The following ATP6V0A4 variants were observed in gnomAD, a reference collection of about 807,000 sequenced individuals.
The protein encoded by ATP6V0A4 is ATPase H+ transporting V0 subunit a4.
In ATP6V0A4, 86 loss-of-function variants were observed where a neutral mutation model predicts 107.3. That is an observed-to-expected ratio of 0.80 (90% CI 0.67 to 0.96). The LOEUF (loss-of-function observed/expected upper bound fraction) is 0.96, where lower values mean the gene tolerates loss of function less well. Ranked by LOEUF, ATP6V0A4 falls within the 40% of genes least tolerant of loss-of-function variation. The probability of loss-of-function intolerance (pLI) is 0.00; values close to 1 mark genes in which losing one functional copy is unlikely to be tolerated. For synonymous variants in ATP6V0A4, 353 were observed against 381.4 expected (o/e 0.93, Z 0.87); for missense variants, 908 against 1,045.6 (o/e 0.87, Z 1.81).
chr7:138,717,198 G>C (rs1011694315), intron 19 of ATP6V0A4, among the ~76,000 whole-genome samples: 1 of 152,180 alleles, frequency 6.6e-6, no homozygotes, highest in African/African-American at 2.4e-5. Flanking sequence ...CCGAAGAAAA[G>C]TCCCGGCTGG....
chr7:138,768,993 G>A, intron 4 of ATP6V0A4, 119 bp from the exon 5 acceptor site: 2 of 1,572,110 alleles, frequency 1.3e-6, no homozygotes, highest in East Asian at 2.3e-5. Context: ...TGTCCTAGGA[G>A]CTGCCACAGC....
At chr7:138,796,301 G>GA (rs1432336296) in intron 1 of ATP6V0A4, among the ~76,000 whole-genome samples, 6 of 151,932 alleles carry the variant, frequency 3.9e-5, no homozygotes, top group African/African-American at 1.5e-4. Context: ...TGCACTGACT[G>GA]AAAATCACCC....
chr7:138,709,888 A>T (rs990985898), intron 20 of ATP6V0A4, 93 bp from the exon 21 acceptor site: 36 of 1,341,744 alleles, frequency 2.7e-5, no homozygotes, highest in African/African-American at 1.1e-4. Context: ...ATATATATAT[A>T]TTTTAAATAG....
chr7:138,768,843 A>G lies in ATP6V0A4; in HGVS notation c.228T>C (p.Ile76=). The G allele has an allele frequency of 5.6e-6, 9 of 1,614,172 alleles. No individual in the cohort carries two copies. Among genetic ancestry groups the G allele is most frequent in the Non-Finnish European group, 7.6e-6 (9 of 1,180,026 alleles). ...RFLEDEMQNE[I]VVQLLEKSPL... ...GGCTTTTCTCGAGCAACTGAACTACAATCTCATTTTGCATCTCGTCTTCCA... is the reference window on the plus strand; with the variant it reads ...GGCTTTTCTCGAGCAACTGAACTACGATCTCATTTTGCATCTCGTCTTCCA... Residue 76 remains isoleucine, a synonymous_variant, in exon 5 of 22, where the codon ATT becomes ATC. Coordinates refer to ENST00000310018, the MANE Select transcript of ATP6V0A4 (RefSeq NM_020632.3).
At chr7:138,769,899 G>A (rs987532949) in intron 3 of ATP6V0A4, among the ~76,000 whole-genome samples, 1 of 152,056 alleles carries the variant, frequency 6.6e-6, no homozygotes, top group Admixed American at 6.6e-5. Flanking sequence ...GCAACATAAT[G>A]AGACCTCATC....
At chr7:138,797,738 C>A (rs112466275) in intron 1 of ATP6V0A4, among the ~76,000 whole-genome samples, 8,613 of 152,106 alleles carry the variant, frequency 0.057, 260 homozygotes, top group Non-Finnish European at 0.07. Context: ...CCATGCTACA[C>A]CTGCAGATGG....
intron 5 of ATP6V0A4, among the ~76,000 whole-genome samples, chr7:138,766,613 A>G (rs929725237): frequency 6.6e-6 from 1 of 152,190 alleles, no homozygotes; most frequent in Non-Finnish European, 1.5e-5. Context: ...AAAAATAAAA[A>G]GGGCTATCCA....
At chr7:138,790,502 C>T (rs1037378916) in intron 1 of ATP6V0A4, among the ~76,000 whole-genome samples, 1 of 152,232 alleles carries the variant, frequency 6.6e-6, no homozygotes, top group East Asian at 1.9e-4. Context: ...GCCATGTTGG[C>T]CAGGCTGGTC....
intron 1 of ATP6V0A4, among the ~76,000 whole-genome samples, chr7:138,795,807 AT>A (rs1399499609): frequency 7.7e-6 from 1 of 129,920 alleles, no homozygotes; most frequent in Admixed American, 8.5e-5. Flanking sequence ...TACCCAAGTA[AT>A]TTTTTTGTGT....
rs961324191 is a variant in ATP6V0A4, at chr7:138,766,551, T to A, written c.291+2229A>T. On this transcript the variant is annotated intron_variant, in intron 5 of 21. Transcript: ENST00000310018. Reference sequence around the variant, plus strand: ...TTTTAATCCATCTAAGAGACACCCTTACCAAAGAGATAAAAGATAAACGAT... The same window carrying A: ...TTTTAATCCATCTAAGAGACACCCTAACCAAAGAGATAAAAGATAAACGAT... Among the ~76,000 whole-genome samples the A allele has an allele frequency of 2.0e-5, 3 of 151,922 alleles. No homozygotes were observed. The East Asian group carries it at 5.8e-4, about 29-fold the overall frequency.
At chr7:138,714,661 A>G (rs1803942964) in intron 20 of ATP6V0A4, among the ~76,000 whole-genome samples, 1 of 152,190 alleles carries the variant, frequency 6.6e-6, no homozygotes, top group African/African-American at 2.4e-5. Context: ...TGAATTCACA[A>G]AGGTGGTGAG....
Position 138,727,712 on chromosome 7 carries a change from A to C in ATP6V0A4, c.2010+1049T>G, listed in dbSNP as rs1411456511. Among the ~76,000 whole-genome samples the C allele has an allele frequency of 3.3e-5, 5 of 152,354 alleles. No homozygotes were observed. The East Asian group carries it at 9.6e-4, about 29-fold the overall frequency. On this transcript the variant is annotated intron_variant, in intron 18 of 21. Coordinates refer to ENST00000310018, the MANE Select transcript of ATP6V0A4 (RefSeq NM_020632.3). ...GAACATATCTACAACCATTTAAAAC[A>C]TACACGGTCTCAGCACATTCCGCTT...
chr7:138,788,042 T>C (rs955949366), intron 1 of ATP6V0A4, among the ~76,000 whole-genome samples: 1 of 151,714 alleles, frequency 6.6e-6, no homozygotes, highest in African/African-American at 2.4e-5. Context: ...TGAAGGGAAG[T>C]TATAGAAAAG....
At chr7:138,763,192 C>CAG in intron 5 of ATP6V0A4, 167 bp from the exon 6 acceptor site, 1 of 326,826 alleles carries the variant, frequency 3.1e-6, no homozygotes, top group Non-Finnish European at 4.4e-6. Context: ...CACAGACACA[C>CAG]ACACACACAC....
chr7:138,770,570 G>A (rs1807331865), intron 3 of ATP6V0A4, among the ~76,000 whole-genome samples: 1 of 152,186 alleles, frequency 6.6e-6, no homozygotes, highest in Admixed American at 6.5e-5. Context: ...TGACCTTAGT[G>A]AAGAAGTAAA....
At position 138,752,820 on chromosome 7, in the gene ATP6V0A4, C is replaced by G. The variant is rs767146505; in HGVS notation, c.834G>C (p.Glu278Asp). The change falls in exon 11 of 22, where the codon GAG (glutamate) becomes GAC (aspartate). Residue 278 changes from glutamate to aspartate, a missense_variant. Transcript: ENST00000310018. ...CCTGCAGCAGGCGCTGGCGGTGAGACTCTGTTTGTGTTATGACCTATACAA... is the reference window on the plus strand; with the variant it reads ...CCTGCAGCAGGCGCTGGCGGTGAGAGTCTGTTTGTGTTATGACCTATACAA... ...EDLITVITQT[E>D]SHRQRLLQEA... The G allele has an allele frequency of 9.7e-5, 157 of 1,613,984 alleles. No individual in the cohort carries two copies. Among genetic ancestry groups the G allele is most frequent in the Admixed American group, 3.2e-4 (19 of 60,006 alleles).
Position 138,734,182 on chromosome 7 carries a change from T to C in ATP6V0A4, c.1645A>G (p.Ile549Val). 1 of 1,613,740 alleles carries C rather than the reference T, an allele frequency of 6.2e-7. No homozygotes were observed. Among genetic ancestry groups the C allele is most frequent in the Non-Finnish European group, 8.5e-7 (1 of 1,179,776 alleles). ...YKMKMSVILG[I>V]VQMVFGVILS... Reference sequence around the variant, plus strand: ...ATGACACCGAAAACCATCTGGACAATTCCCAGGATCACCGACATCTTCATT... The same window carrying C: ...ATGACACCGAAAACCATCTGGACAACTCCCAGGATCACCGACATCTTCATT... The change falls in exon 16 of 22, where the codon ATT (isoleucine) becomes GTT (valine). Residue 549 changes from isoleucine (I) to valine (V), a missense_variant. Ile to Val is a conservative substitution (Grantham distance 29, BLOSUM62 3). Coordinates refer to ENST00000310018, the MANE Select transcript of ATP6V0A4 (RefSeq NM_020632.3).
Position 138,790,794 on chromosome 7 carries a change from G to A in ATP6V0A4, c.-120-4534C>T, listed in dbSNP as rs111498842. ...TATCCAAAATAAACTGACACACATC[G>A]TCTCAATTCCTGAGACCGGAATGAC... On this transcript the variant is annotated intron_variant, in intron 1 of 21. Coordinates refer to ENST00000310018, the MANE Select transcript of ATP6V0A4 (RefSeq NM_020632.3). 3.6e-3 allele frequency among the ~76,000 whole-genome samples: 546 copies of A among 152,254 alleles called. 2 individuals are homozygous for A. Among genetic ancestry groups the A allele is most frequent in the African/African-American group, 0.013 (527 of 41,524 alleles).
intron 18 of ATP6V0A4, among the ~76,000 whole-genome samples, chr7:138,724,245 T>A (rs1382305028): frequency 2.8e-5 from 4 of 144,362 alleles, no homozygotes; most frequent in African/African-American, 7.8e-5. Flanking sequence ...AAAAAATAAA[T>A]CTTTGTAAAA....
Sources: gnomAD v4.1 joint callset for allele counts (sites outside exome capture counted in the v4.1 genomes callset) on GRCh38, gnomAD v4.1.1 for gene constraint, MANE v1.5 for transcripts, NCBI Gene and HGNC (gene_info 2026-07-23, HGNC 2026-07-21) for gene names.